The following CHSY3 variants were observed in gnomAD, a reference collection of about 807,000 sequenced individuals.
CHSY3 encodes chondroitin sulfate synthase 3.
Under a neutral mutation model 67.2 loss-of-function variants are expected in CHSY3, and 35 were observed. That is an observed-to-expected ratio of 0.52 (90% CI 0.40 to 0.69). The LOEUF (loss-of-function observed/expected upper bound fraction) is 0.69, where lower values mean the gene tolerates loss of function less well. Ranked by LOEUF, CHSY3 falls within the 30% of genes least tolerant of loss-of-function variation. The pLI is 0.00. For missense variants in CHSY3, 1,069 were observed against 1,138.5 expected, an observed-to-expected ratio of 0.94 and a Z score of 0.88; for synonymous variants, 474 against 434.7, an observed-to-expected ratio of 1.09 and a Z score of -1.12.
chr5:130,089,296 A>G (rs1333693419), intron 2 of CHSY3, among the ~76,000 whole-genome samples: 1 of 151,388 alleles, frequency 6.6e-6, no homozygotes, highest in African/African-American at 2.4e-5. Flanking sequence ...TGGGTGCAGC[A>G]CACCAGCATG....
intron 2 of CHSY3, among the ~76,000 whole-genome samples, chr5:130,027,315 G>A (rs1336124651): frequency 6.6e-6 from 1 of 152,092 alleles, no homozygotes. Context: ...CTAGGAGGAA[G>A]AATAGCCACA....
intron 2 of CHSY3, among the ~76,000 whole-genome samples, chr5:129,967,791 A>G (rs1448121230): frequency 1.3e-5 from 2 of 151,868 alleles, no homozygotes; most frequent in East Asian, 3.9e-4. Flanking sequence ...TCTGGCAGTC[A>G]TTAATTTTCC....
At chr5:130,087,963 A>G (rs889291175) in intron 2 of CHSY3, among the ~76,000 whole-genome samples, 1 of 152,154 alleles carries the variant, frequency 6.6e-6, no homozygotes, top group Non-Finnish European at 1.5e-5. Flanking sequence ...CCTGACTTCA[A>G]ACTATACTAC....
intron 2 of CHSY3, among the ~76,000 whole-genome samples, chr5:130,081,451 A>AC (rs1257257462): frequency 1.3e-5 from 2 of 151,910 alleles, no homozygotes; most frequent in Non-Finnish European, 2.9e-5. Context: ...ACCCCAACAT[A>AC]CCCCATGAAC....
At chr5:129,973,790 A>T (rs1406772404) in intron 2 of CHSY3, among the ~76,000 whole-genome samples, 1 of 152,118 alleles carries the variant, frequency 6.6e-6, no homozygotes, top group Non-Finnish European at 1.5e-5. Flanking sequence ...TGGAGAAGTC[A>T]CTTTTAGTCT....
intron 2 of CHSY3, among the ~76,000 whole-genome samples, chr5:129,966,358 A>G (rs1437931775): frequency 6.6e-6 from 1 of 151,744 alleles, no homozygotes; most frequent in Non-Finnish European, 1.5e-5. Context: ...ATTGTGTAAA[A>G]TTTGCTGCAC....
At chr5:130,003,379 A>T (rs1042342927) in intron 2 of CHSY3, among the ~76,000 whole-genome samples, 5 of 152,216 alleles carry the variant, frequency 3.3e-5, no homozygotes, top group African/African-American at 9.6e-5. Flanking sequence ...TTATGGTCAG[A>T]GTGATCTTTC....
At chr5:130,119,710 G>C (rs1051559893) in intron 2 of CHSY3, among the ~76,000 whole-genome samples, 1 of 152,050 alleles carries the variant, frequency 6.6e-6, no homozygotes, top group African/African-American at 2.4e-5. Context: ...ATTGAGTAAT[G>C]ATTACAAAAC....
chr5:129,957,133 G>T (rs1364073601), intron 2 of CHSY3, among the ~76,000 whole-genome samples: 1 of 151,908 alleles, frequency 6.6e-6, no homozygotes, highest in Non-Finnish European at 1.5e-5. Flanking sequence ...TGCCATCTCT[G>T]ATTTCTTTGA....
chr5:130,058,514 C>T (rs766485235), intron 2 of CHSY3, among the ~76,000 whole-genome samples: 14 of 152,072 alleles, frequency 9.2e-5, no homozygotes, highest in Non-Finnish European at 1.9e-4. Flanking sequence ...GTAATCCCAG[C>T]TACTTGGGGG....
At chr5:130,021,463 A>C (rs1764386216) in intron 2 of CHSY3, among the ~76,000 whole-genome samples, 1 of 152,180 alleles carries the variant, frequency 6.6e-6, no homozygotes. Context: ...GGAGAGAATA[A>C]ATAGAAAATA....
intron 2 of CHSY3, among the ~76,000 whole-genome samples, chr5:129,940,166 C>G (rs2149594064): frequency 6.6e-6 from 1 of 152,088 alleles, no homozygotes; most frequent in Admixed American, 6.6e-5. Flanking sequence ...TGCAGTGTCT[C>G]TACACAGAGT....
chr5:130,044,838 C>T (rs184006709), intron 2 of CHSY3, among the ~76,000 whole-genome samples: 9 of 152,096 alleles, frequency 5.9e-5, no homozygotes, highest in African/African-American at 1.7e-4. Context: ...GGTCATTCCC[C>T]GGATGCTGAT....
intron 2 of CHSY3, among the ~76,000 whole-genome samples, chr5:130,099,162 ACAAAC>A: frequency 6.6e-6 from 1 of 152,340 alleles, no homozygotes; most frequent in Middle Eastern, 3.4e-3. Context: ...TCTACCTCCC[ACAAAC>A]CAATTTGAAG....
At chr5:130,123,806 C>T (rs1259428548) in intron 2 of CHSY3, among the ~76,000 whole-genome samples, 1 of 151,808 alleles carries the variant, frequency 6.6e-6, no homozygotes, top group Non-Finnish European at 1.5e-5. Context: ...CCCTATAATC[C>T]CAGCACTTTG....
At chr5:129,961,260 G>A (rs1762320039) in intron 2 of CHSY3, among the ~76,000 whole-genome samples, 1 of 152,016 alleles carries the variant, frequency 6.6e-6, no homozygotes, top group South Asian at 2.1e-4. Flanking sequence ...AGCAGGGAAG[G>A]TATGTAACAG....
chr5:130,021,424 A>T (rs1764385395), intron 2 of CHSY3, among the ~76,000 whole-genome samples: 1 of 152,138 alleles, frequency 6.6e-6, no homozygotes, highest in South Asian at 2.1e-4. Flanking sequence ...ATACAGCCTG[A>T]TCTTTTCTTC....
In CHSY3 at chr5:130,089,403, A is replaced by G. The variant is rs568849142; in HGVS notation, c.1087-94826A>G. On this transcript the variant is annotated intron_variant, in intron 2 of 2. Transcript: ENST00000305031. ...TAAAATAAAAATTAAAAATAAAAAA[A>G]TTTAAAAAGTAAAGTACAGAAACTT... 3.5e-3 allele frequency among the ~76,000 whole-genome samples: 537 copies of G among 152,110 alleles called. 2 individuals carry two copies. The highest frequency in any genetic ancestry group is 0.012 in the African/African-American group (517 of 41,564).
intron 2 of CHSY3, among the ~76,000 whole-genome samples, chr5:130,125,348 T>C (rs1768235231): frequency 6.6e-6 from 1 of 152,002 alleles, no homozygotes; most frequent in African/African-American, 2.4e-5. Context: ...GTTCAAGAAA[T>C]TGAGGCTGCA....
Sources: allele counts gnomAD v4.1 joint callset (sites outside exome capture counted in the v4.1 genomes callset), GRCh38; gene constraint gnomAD v4.1.1; transcripts MANE v1.5; gene names NCBI Gene and HGNC (gene_info 2026-07-23, HGNC 2026-07-21).